The following KSR2 variants were observed in gnomAD, a reference collection of about 807,000 sequenced individuals.
The protein encoded by KSR2 is kinase suppressor of ras 2.
Under a neutral mutation model 107.8 loss-of-function variants are expected in KSR2, and 25 were observed. That is an observed-to-expected ratio of 0.23 (90% CI 0.17 to 0.32). The LOEUF (loss-of-function observed/expected upper bound fraction) is 0.32. KSR2 is among the 10% of genes least tolerant of loss of function. KSR2 has a pLI of 1.00. For synonymous variants in KSR2, 480 were observed against 507.0 expected (o/e 0.95, Z 0.71); for missense variants, 887 against 1,268.9 (o/e 0.70, Z 4.57).
chr12:117,694,832 ATGT>A (rs1220035056), intron 4 of KSR2, among the ~76,000 whole-genome samples: 1 of 143,212 alleles, frequency 7.0e-6, no homozygotes, highest in Admixed American at 7.3e-5. Context: ...AAAAGGACAA[ATGT>A]TGTATGATTC....
At chr12:117,682,576 C>A (rs1256010573) in intron 4 of KSR2, among the ~76,000 whole-genome samples, 1 of 152,046 alleles carries the variant, frequency 6.6e-6, no homozygotes, top group Non-Finnish European at 1.5e-5. Flanking sequence ...CACCACCACA[C>A]CAGGGCTAAT....
chr12:117,855,397 C>T (rs1893067084), intron 3 of KSR2, 31 bp downstream of exon 3: 1 of 1,613,620 alleles, frequency 6.2e-7, no homozygotes, highest in Non-Finnish European at 8.5e-7. Flanking sequence ...GGGGACAAGT[C>T]TCCACATCCC....
intron 3 of KSR2, among the ~76,000 whole-genome samples, chr12:117,764,582 G>T (rs557048780): frequency 6.6e-6 from 1 of 152,208 alleles, no homozygotes; most frequent in African/African-American, 2.4e-5. Flanking sequence ...TGAAACAAAG[G>T]CTCATTTCTC....
At chr12:117,891,823 C>G (rs749907802) in intron 1 of KSR2, among the ~76,000 whole-genome samples, 6 of 151,668 alleles carry the variant, frequency 4.0e-5, no homozygotes, top group Non-Finnish European at 8.8e-5. Context: ...CCTGTCTCTA[C>G]AAAAACAAAA....
chr12:117,912,506 T>C (rs1566079002), intron 1 of KSR2, among the ~76,000 whole-genome samples: 1 of 152,174 alleles, frequency 6.6e-6, no homozygotes, highest in Non-Finnish European at 1.5e-5. Context: ...ATTCTGTTTG[T>C]CCACAGGAAT....
chr12:117,672,739 C>T (rs1194931009), intron 4 of KSR2, among the ~76,000 whole-genome samples: 4 of 152,194 alleles, frequency 2.6e-5, no homozygotes, highest in Non-Finnish European at 5.9e-5. Flanking sequence ...ATTCTCCTGC[C>T]TCAGCCTCCC....
At chr12:117,859,009 A>G (rs1389135107) in intron 2 of KSR2, among the ~76,000 whole-genome samples, 3 of 152,160 alleles carry the variant, frequency 2.0e-5, no homozygotes, top group Non-Finnish European at 4.4e-5. Flanking sequence ...GGGGGTAAGA[A>G]AATCTCACAA....
intron 4 of KSR2, among the ~76,000 whole-genome samples, chr12:117,723,799 A>T (rs1394010548): frequency 1.3e-5 from 2 of 152,132 alleles, no homozygotes; most frequent in Non-Finnish European, 2.9e-5. Flanking sequence ...ACCATTTCAT[A>T]ATATCATTTT....
chr12:117,633,721 C>T (rs140713556), intron 5 of KSR2, among the ~76,000 whole-genome samples: 12 of 152,292 alleles, frequency 7.9e-5, no homozygotes, highest in African/African-American at 1.4e-4. Context: ...CTTAATCCAT[C>T]GTGACCTCAC....
intron 19 of KSR2, among the ~76,000 whole-genome samples, chr12:117,468,298 C>T (rs986697668): frequency 1.1e-4 from 17 of 152,216 alleles, no homozygotes; most frequent in African/African-American, 4.1e-4. Context: ...TCTGCTAGAG[C>T]AGTTTCACTG....
In KSR2 at chr12:117,466,608, A is replaced by G. The variant is rs1278238804; in HGVS notation, c.*591T>C. On this transcript the variant is annotated 3_prime_UTR_variant, in exon 20 of 20. Coordinates refer to ENST00000339824, the MANE Select transcript of KSR2 (RefSeq NM_173598.6). ...GGGTGTCTGAAAACAGATATTTCCAAAGGAACGAGCTTAGCCACTCCCGAC... is the reference window on the plus strand; with the variant it reads ...GGGTGTCTGAAAACAGATATTTCCAGAGGAACGAGCTTAGCCACTCCCGAC... The G allele has an allele frequency of 6.6e-6, 1 of 152,470 alleles. No homozygotes were observed. Among genetic ancestry groups the G allele is most frequent in the Non-Finnish European group, 1.5e-5 (1 of 68,100 alleles). 9.4% of individuals were successfully genotyped at this position (152,470 alleles called of 1,614,324 possible).
chr12:117,778,822 A>G (rs143208400), intron 3 of KSR2, among the ~76,000 whole-genome samples: 35 of 152,216 alleles, frequency 2.3e-4, no homozygotes, highest in African/African-American at 8.2e-4. Context: ...TAATTCCAGA[A>G]CCCTTTGTTG....
At chr12:117,775,831 C>T (rs140926662) in intron 3 of KSR2, among the ~76,000 whole-genome samples, 8 of 152,104 alleles carry the variant, frequency 5.3e-5, no homozygotes, top group African/African-American at 1.9e-4. Context: ...TGAAGTAACT[C>T]GGGAATAGAA....
At chr12:117,605,320 C>A (rs925025493) in intron 5 of KSR2, among the ~76,000 whole-genome samples, 3 of 152,170 alleles carry the variant, frequency 2.0e-5, no homozygotes, top group Admixed American at 6.5e-5. Flanking sequence ...GCTGCAAAGA[C>A]CACGAATGTC....
intron 4 of KSR2, among the ~76,000 whole-genome samples, chr12:117,686,568 A>T (rs945043084): frequency 1.3e-5 from 2 of 152,096 alleles, no homozygotes; most frequent in Admixed American, 6.5e-5. Flanking sequence ...ACACCTGGAT[A>T]AAAAAGCTCA....
At chr12:117,605,220 G>C (rs1011350886) in intron 5 of KSR2, among the ~76,000 whole-genome samples, 21 of 152,110 alleles carry the variant, frequency 1.4e-4, no homozygotes, top group African/African-American at 5.1e-4. Flanking sequence ...TTAAATGAGT[G>C]TGGCTGTGAC....
chr12:117,852,063 A>G (rs1368893303), intron 3 of KSR2, among the ~76,000 whole-genome samples: 2 of 151,520 alleles, frequency 1.3e-5, no homozygotes, highest in Admixed American at 1.3e-4. Flanking sequence ...ATGTGTACCT[A>G]TGTGTGTGGG....
At chr12:117,932,396 C>T (rs1895718350) in intron 1 of KSR2, among the ~76,000 whole-genome samples, 1 of 152,008 alleles carries the variant, frequency 6.6e-6, no homozygotes, top group African/African-American at 2.4e-5. Flanking sequence ...TTCCAGAATT[C>T]ACACTTGATC....
chr12:117,801,776 C>T (rs1210053552), intron 3 of KSR2, among the ~76,000 whole-genome samples: 4 of 152,086 alleles, frequency 2.6e-5, no homozygotes, highest in Non-Finnish European at 4.4e-5. Context: ...GGCAGGGACA[C>T]AGACCCAAAC....
Sources: gnomAD v4.1 joint callset for allele counts (sites outside exome capture counted in the v4.1 genomes callset) on GRCh38, gnomAD v4.1.1 for gene constraint, MANE v1.5 for transcripts, NCBI Gene and HGNC (gene_info 2026-07-23, HGNC 2026-07-21) for gene names.